Variants in FGF12 observed in about 807,000 individuals in gnomAD.
FGF12 encodes fibroblast growth factor 12.
Under a neutral mutation model 23.6 loss-of-function variants are expected in FGF12, and 14 were observed. The observed-to-expected ratio is 0.59, with a 90% CI of 0.39 to 0.93. The LOEUF (loss-of-function observed/expected upper bound fraction) is 0.93, where lower values mean the gene tolerates loss of function less well. Ranked by LOEUF, FGF12 falls within the 40% of genes least tolerant of loss-of-function variation. The pLI is 0.00. For synonymous variants in FGF12, 62 were observed against 77.3 expected, an observed-to-expected ratio of 0.80 and a Z score of 1.04; for missense variants, 175 against 217.8, an observed-to-expected ratio of 0.80 and a Z score of 1.24.
intron 2 of FGF12, among the ~76,000 whole-genome samples, chr3:192,547,835 G>A (rs180849839): frequency 6.6e-6 from 1 of 152,226 alleles, no homozygotes; most frequent in African/African-American, 2.4e-5. Context: ...TATAGCTTCT[G>A]TCACTGTTTT....
chr3:192,496,040 A>C (rs1723945879), intron 2 of FGF12, among the ~76,000 whole-genome samples: 1 of 152,044 alleles, frequency 6.6e-6, no homozygotes, highest in Non-Finnish European at 1.5e-5. Context: ...ATAGAGCTAG[A>C]CTCTTATGTA....
At chr3:192,576,765 A>G (rs997220575) in intron 2 of FGF12, among the ~76,000 whole-genome samples, 6 of 152,198 alleles carry the variant, frequency 3.9e-5, no homozygotes, top group African/African-American at 1.2e-4. Context: ...CATCATGTTT[A>G]TTGCGGCACT....
chr3:192,394,404 T>C (rs973321111), intron 2 of FGF12, among the ~76,000 whole-genome samples: 1 of 152,240 alleles, frequency 6.6e-6, no homozygotes, highest in African/African-American at 2.4e-5. Context: ...TGATATTCCA[T>C]TTAATATACA....
chr3:192,258,592 T>C (rs1003270006), intron 4 of FGF12, among the ~76,000 whole-genome samples: 1 of 152,190 alleles, frequency 6.6e-6, no homozygotes, highest in African/African-American at 2.4e-5. Flanking sequence ...AAGGTTAATA[T>C]TGGATACCTT....
chr3:192,449,315 C>G (rs73066285), intron 2 of FGF12, among the ~76,000 whole-genome samples: 7,237 of 152,174 alleles, frequency 0.048, 598 homozygotes, highest in African/African-American at 0.17. Flanking sequence ...GGATGGCCGT[C>G]AGCAGCTAAT....
Position 192,409,133 on chromosome 3 carries a change from A to C in FGF12, c.14-48595T>G. The C allele has an allele frequency of 3.4e-6, 1 of 295,748 alleles. No individual in the cohort carries two copies. Among genetic ancestry groups the C allele is most frequent in the Non-Finnish European group, 5.0e-6 (1 of 199,406 alleles). 18.3% of individuals were successfully genotyped at this position (295,748 alleles called of 1,614,324 possible). A position where few individuals can be genotyped will look rare whatever the true frequency, so the allele number is the denominator to read the frequency against. On this transcript the variant is annotated intron_variant, in intron 2 of 5. Coordinates refer to ENST00000445105, the MANE Select transcript of FGF12 (RefSeq NM_004113.6). The surrounding 1 kb of genome is among the most constrained non-coding windows in gnomAD (Gnocchi z 4.8). ...GAGGGCCAAGCACCCCTCGGGGAGA[A>C]ACCAGCGAGAGGCGATCTGCGGGGT...
At chr3:192,226,126 A>C (rs1055291700) in intron 4 of FGF12, among the ~76,000 whole-genome samples, 9 of 152,144 alleles carry the variant, frequency 5.9e-5, no homozygotes, top group Admixed American at 5.9e-4. Context: ...AAATTTCCTG[A>C]CTTGGTATAT....
At chr3:192,511,783 T>A (rs993404466) in intron 2 of FGF12, among the ~76,000 whole-genome samples, 6 of 152,144 alleles carry the variant, frequency 3.9e-5, no homozygotes, top group African/African-American at 1.4e-4. Context: ...CAACCTTGTC[T>A]GAGATTGTCC....
intron 4 of FGF12, among the ~76,000 whole-genome samples, chr3:192,209,148 A>G (rs1717801471): frequency 1.3e-5 from 2 of 152,236 alleles, no homozygotes; most frequent in Non-Finnish European, 2.9e-5. Context: ...TGGGACTTTC[A>G]GAAAAGCTGA....
At chr3:192,302,367 G>A (rs1193598838) in intron 4 of FGF12, among the ~76,000 whole-genome samples, 3 of 152,144 alleles carry the variant, frequency 2.0e-5, no homozygotes, top group Admixed American at 6.5e-5. Flanking sequence ...TATATTTAAG[G>A]AGTCAGACAT....
chr3:192,158,332 C>CTCTTTCTTTCTTTCTTTCTTTCTTTCTT (rs375016082), intron 5 of FGF12, among the ~76,000 whole-genome samples: 4 of 112,356 alleles, frequency 3.6e-5, no homozygotes, highest in Non-Finnish European at 5.4e-5. Context: ...TTCTTTCTTT[C>CTCTTTCTTTCTTTCTTTCTTTCTTTCTT]TCTTTCTTTC....
chr3:192,658,111 G>A (rs1406863938), intron 2 of FGF12, among the ~76,000 whole-genome samples: 1 of 152,084 alleles, frequency 6.6e-6, no homozygotes, highest in Non-Finnish European at 1.5e-5. Flanking sequence ...AATACAATAG[G>A]ACACATCAGT....
chr3:192,532,902 G>A (rs563963518), intron 2 of FGF12, among the ~76,000 whole-genome samples: 33 of 152,100 alleles, frequency 2.2e-4, no homozygotes, highest in African/African-American at 7.7e-4. Context: ...ATATTTATGT[G>A]GCATGACACT....
At position 192,266,683 on chromosome 3, in the gene FGF12, A is replaced by G. The variant is rs544547749; in HGVS notation, c.228+68678T>C. Among the ~76,000 whole-genome samples, 5 of 152,176 alleles carry G rather than the reference A, an allele frequency of 3.3e-5. 1 individual carries two copies. Among genetic ancestry groups the G allele is most frequent in the Admixed American group, 1.3e-4 (2 of 15,254 alleles). ...TGAATATGTTAATTAGGAACTTTTAATACTTTCCATTTTTTTCTGCTGCTC... is the reference window on the plus strand; with the variant it reads ...TGAATATGTTAATTAGGAACTTTTAGTACTTTCCATTTTTTTCTGCTGCTC... On this transcript the variant is annotated intron_variant, in intron 4 of 5. Coordinates refer to ENST00000445105, the MANE Select transcript of FGF12 (RefSeq NM_004113.6).
intron 3 of FGF12, among the ~76,000 whole-genome samples, chr3:192,349,416 C>G (rs552048573): frequency 2.0e-4 from 30 of 152,160 alleles, no homozygotes; most frequent in African/African-American, 7.0e-4. Context: ...GAAACCCTCT[C>G]TTTTTAGTTT....
chr3:192,578,060 T>G (rs1391774218), intron 2 of FGF12, among the ~76,000 whole-genome samples: 1 of 152,182 alleles, frequency 6.6e-6, no homozygotes, highest in African/African-American at 2.4e-5. Context: ...ACATTGTACA[T>G]TCACTTCATG....
At chr3:192,321,011 A>T (rs1349808957) in intron 4 of FGF12, among the ~76,000 whole-genome samples, 2 of 152,142 alleles carry the variant, frequency 1.3e-5, no homozygotes, top group Admixed American at 1.3e-4. Context: ...AATCAATGAA[A>T]TAAAATGTTG....
At chr3:192,243,859 G>T (rs546792922) in intron 4 of FGF12, among the ~76,000 whole-genome samples, 31 of 152,098 alleles carry the variant, frequency 2.0e-4, no homozygotes, top group African/African-American at 6.5e-4. Context: ...ATATAAAAGG[G>T]TTCCTTCAGA....
At chr3:192,239,446 G>T (rs1444754180) in intron 4 of FGF12, among the ~76,000 whole-genome samples, 1 of 152,194 alleles carries the variant, frequency 6.6e-6, no homozygotes, top group East Asian at 1.9e-4. Flanking sequence ...CGTTAATTAT[G>T]TGAAGCTTAT....
Sources: gnomAD v4.1 joint callset for allele counts (sites outside exome capture counted in the v4.1 genomes callset) on GRCh38, gnomAD v4.1.1 for gene constraint, Gnocchi (gnomAD v3.1) non-coding constraint, MANE v1.5 for transcripts, NCBI Gene and HGNC (gene_info 2026-07-23, HGNC 2026-07-21) for gene names.